The following FBN1 variants were observed in gnomAD, a reference collection of about 807,000 sequenced individuals.
FBN1 encodes fibrillin-1.
Under a neutral mutation model 365.1 loss-of-function variants are expected in FBN1, and 29 were observed. That is an observed-to-expected ratio of 0.08 (90% CI 0.06 to 0.11). The LOEUF is 0.11. Among genes scored for constraint, FBN1 ranks in the 10% least tolerant of loss-of-function variants. The probability of loss-of-function intolerance (pLI) is 1.00; values close to 1 mark genes in which losing one functional copy is unlikely to be tolerated. For missense variants in FBN1, 2,476 were observed against 3,703.2 expected (o/e 0.67, Z 8.60); for synonymous variants, 1,210 against 1,270.5 (o/e 0.95, Z 1.01).
chr15:48,475,433 C>G (rs142732359), intron 32 of FBN1, among the ~76,000 whole-genome samples: 2,703 of 152,180 alleles, frequency 0.018, 55 homozygotes, highest in East Asian at 0.081. Context: ...CAACTTTAGC[C>G]AAGATAGACT....
intron 6 of FBN1, among the ~76,000 whole-genome samples, chr15:48,583,020 G>A (rs1353101644): frequency 1.3e-5 from 2 of 152,214 alleles, no homozygotes; most frequent in Admixed American, 1.3e-4. Context: ...TATTCCCAGC[G>A]TGGGAGTCAC....
At chr15:48,444,421 C>T (rs2043138150) in intron 49 of FBN1, 120 bp downstream of exon 49, 3 of 1,129,404 alleles carry the variant, frequency 2.7e-6, no homozygotes, top group African/African-American at 1.5e-5. Context: ...ATACCTATGC[C>T]CTTGCATTTG....
rs146068942 is a variant in FBN1, at chr15:48,630,704, C to G, written c.164+13902G>C. Among the ~76,000 whole-genome samples the G allele has an allele frequency of 6.4e-4, 90 of 140,730 alleles. No homozygotes were observed. The East Asian group carries it at 0.017, about 26-fold the overall frequency. The allele number at this position is 140,730 out of a possible 152,430, so 92.3% of individuals were successfully genotyped here. A position where few individuals can be genotyped will look rare whatever the true frequency, so the allele number is the denominator to read the frequency against. On this transcript the variant is annotated intron_variant, in intron 2 of 65. Coordinates refer to ENST00000316623, the MANE Select transcript of FBN1 (RefSeq NM_000138.5). ...CCGAGATTGTGCCACTGCACTCCAG[C>G]CTGGATGACAGAGTGAGACTCCATC... is the stretch of plus-strand genomic sequence containing the variant.
At chr15:48,435,666 ATG>A (rs3074870) in intron 53 of FBN1, among the ~76,000 whole-genome samples, 10,925 of 145,260 alleles carry the variant, frequency 0.075, 444 homozygotes, top group East Asian at 0.16. Context: ...GAGACCTAAA[ATG>A]TGTGTGTGTG....
At chr15:48,536,766 G>T (rs2044016649) in intron 7 of FBN1, among the ~76,000 whole-genome samples, 1 of 152,184 alleles carries the variant, frequency 6.6e-6, no homozygotes, top group African/African-American at 2.4e-5. Flanking sequence ...CTAAGCTCAA[G>T]TTCTGTTTTA....
chr15:48,599,486 T>G (rs1209319874), intron 5 of FBN1, among the ~76,000 whole-genome samples: 1 of 152,178 alleles, frequency 6.6e-6, no homozygotes, highest in Non-Finnish European at 1.5e-5. Flanking sequence ...CTTTTTGTAT[T>G]TTTAAACTTT....
At chr15:48,641,606 C>T (rs1890199374) in intron 2 of FBN1, 1 of 152,226 alleles carries the variant, frequency 6.6e-6, no homozygotes, top group South Asian at 2.1e-4. Context: ...CTGCCACCAA[C>T]TGGGCATCAG....
intron 6 of FBN1, among the ~76,000 whole-genome samples, chr15:48,547,487 C>T (rs1415964392): frequency 6.6e-6 from 1 of 152,140 alleles, no homozygotes; most frequent in Non-Finnish European, 1.5e-5. Context: ...AGCATCAATT[C>T]TGAGAGATCT....
chr15:48,468,055 T>A lies in FBN1; in HGVS notation c.4630A>T (p.Asn1544Tyr). The A allele has an allele frequency of 1.2e-6, 2 of 1,614,182 alleles. No individual in the cohort carries two copies. Among genetic ancestry groups the A allele is most frequent in the Non-Finnish European group, 1.7e-6 (2 of 1,180,020 alleles). Residue 1544 changes from asparagine to tyrosine, a missense_variant, in exon 38 of 66, where the codon AAT becomes TAT. This residue lies in a region of FBN1 where 1,780 missense variants were observed against 2,840.8 expected (regional missense o/e 0.63). Transcript: ENST00000316623. ...CYLDIRPRGD[N>Y]GDTACSNEIG... ...TCATTGCTGCAGGCTGTATCTCCAT[T>A]GTCTCCTCGAGGTCGAATATCCAAA...
chr15:48,497,479 A>G lies in FBN1; in HGVS notation c.2168-88T>C, dbSNP rs2043618174. The G allele has an allele frequency of 3.7e-5, 49 of 1,315,628 alleles. 1 individual carries two copies. The South Asian group carries it at 6.0e-4, about 16-fold the overall frequency. 81.5% of individuals were successfully genotyped at this position (1,315,628 alleles called of 1,614,324 possible). On this transcript the variant is annotated intron_variant, in intron 18 of 65. Coordinates refer to ENST00000316623, the MANE Select transcript of FBN1 (RefSeq NM_000138.5). ...AAAATATAACACTACAATAAATGTA[A>G]TGACCTTAGGAGCTACAGGAGGAAA...
At chr15:48,574,741 C>A (rs1013078175) in intron 6 of FBN1, among the ~76,000 whole-genome samples, 4 of 152,042 alleles carry the variant, frequency 2.6e-5, no homozygotes, top group Admixed American at 1.3e-4. Flanking sequence ...TAGAAAAGAT[C>A]AAGAGTATGC....
chr15:48,540,105 T>C lies in FBN1; in HGVS notation c.539-2297A>G, dbSNP rs1209978947. ...GACAAAGTGAAATACCAAAGTCATC[T>C]TTATTTTTTTGGCTCAATTCTCCCA... On this transcript the variant is annotated intron_variant, in intron 6 of 65. Coordinates refer to ENST00000316623, the MANE Select transcript of FBN1 (RefSeq NM_000138.5). Among the ~76,000 whole-genome samples, 5 of 152,316 alleles carry C rather than the reference T, an allele frequency of 3.3e-5. No homozygotes were observed. In the East Asian group the frequency reaches 9.6e-4, roughly 29 times the overall value.
At chr15:48,506,094 G>A (rs2043705435) in intron 15 of FBN1, among the ~76,000 whole-genome samples, 1 of 152,110 alleles carries the variant, frequency 6.6e-6, no homozygotes, top group South Asian at 2.1e-4. Context: ...ATGATGGCAT[G>A]CGGCTATAAT....
chr15:48,437,560 C>G (rs2043083206), intron 51 of FBN1, 173 bp from the exon 52 acceptor site: 1 of 800,362 alleles, frequency 1.2e-6, no homozygotes, highest in Admixed American at 2.1e-5. Context: ...GATGTTGTGT[C>G]TACTCCTTGG....
At chr15:48,606,797 C>G (rs1251836939) in intron 4 of FBN1, among the ~76,000 whole-genome samples, 1 of 152,190 alleles carries the variant, frequency 6.6e-6, no homozygotes, top group East Asian at 1.9e-4. Context: ...ATGTTCCTTC[C>G]AAAACTCATG....
intron 3 of FBN1, among the ~76,000 whole-genome samples, chr15:48,612,152 A>G (rs1325139777): frequency 6.6e-6 from 1 of 152,202 alleles, no homozygotes; most frequent in African/African-American, 2.4e-5. Context: ...AATAAAGGAG[A>G]TGCTTTCTGG....
At chr15:48,453,353 AAG>A (rs143139904) in intron 44 of FBN1, among the ~76,000 whole-genome samples, 2,572 of 149,814 alleles carry the variant, frequency 0.017, 69 homozygotes, top group African/African-American at 0.055. Flanking sequence ...AAGAAGAAAA[AAG>A]AAAATTAAAT....
intron 49 of FBN1, among the ~76,000 whole-genome samples, chr15:48,444,036 AAAAC>A (rs200749484): frequency 0.018 from 2,706 of 152,278 alleles, 53 homozygotes; most frequent in East Asian, 0.083. Context: ...GTCTCCATTA[AAAAC>A]AAACAAACAA....
In FBN1 at chr15:48,497,269, C is replaced by T. The variant is rs769641351; in HGVS notation, c.2290G>A (p.Val764Ile). 48 of 1,613,878 alleles carry T rather than the reference C, an allele frequency of 3.0e-5. No individual in the cohort carries two copies. The highest frequency in any genetic ancestry group is 1.3e-4 in the East Asian group (6 of 44,864). Residue 764 changes from valine (V) to isoleucine (I), a missense_variant, in exon 19 of 66, where the codon GTT becomes ATT. Transcript: ENST00000316623. ...YEVDSTGKNCVDINECVLNSL... is the reference protein window; with the variant it reads ...YEVDSTGKNCIDINECVLNSL... ...GAAAATGGGTAAAACTTCTCACCAA[C>T]GCAGTTTTTCCCAGTTGAATCCACT...
Sources: allele counts gnomAD v4.1 joint callset (sites outside exome capture counted in the v4.1 genomes callset), GRCh38; gene constraint gnomAD v4.1.1; regional missense constraint gnomAD v4.1.1; transcripts MANE v1.5; gene names NCBI Gene and HGNC (gene_info 2026-07-23, HGNC 2026-07-21).